The following NPSR1 variants were observed in gnomAD, a reference collection of about 807,000 sequenced individuals.
NPSR1 encodes neuropeptide S receptor.
Under a neutral mutation model 46.9 loss-of-function variants are expected in NPSR1, and 48 were observed. The observed-to-expected ratio is 1.02, with a 90% CI of 0.81 to 1.30. The LOEUF is 1.30. Among genes scored for constraint, NPSR1 ranks in the 50% most tolerant of loss-of-function variants. The probability of loss-of-function intolerance (pLI) is 0.00; values close to 1 mark genes in which losing one functional copy is unlikely to be tolerated. For synonymous variants in NPSR1, 176 were observed against 168.1 expected, an observed-to-expected ratio of 1.05 and a Z score of -0.36; for missense variants, 450 against 449.5, an observed-to-expected ratio of 1.00 and a Z score of -0.01.
chr7:34,839,288 C>T (rs568177673), intron 6 of NPSR1, among the ~76,000 whole-genome samples: 37 of 152,210 alleles, frequency 2.4e-4, no homozygotes, highest in Non-Finnish European at 5.0e-4. Flanking sequence ...AATAAATTTC[C>T]AATCAAAATT....
intron 2 of NPSR1, among the ~76,000 whole-genome samples, chr7:34,730,183 T>C (rs538316737): frequency 7.9e-5 from 12 of 152,230 alleles, no homozygotes; most frequent in Non-Finnish European, 1.5e-4. Flanking sequence ...ATGTTCCTGG[T>C]AAGGGAACAG....
chr7:34,673,274 C>A (rs1456614911), intron 1 of NPSR1, among the ~76,000 whole-genome samples: 2 of 152,056 alleles, frequency 1.3e-5, no homozygotes, highest in East Asian at 1.9e-4. Flanking sequence ...TCTTCGCCTC[C>A]CTTTTATCCC....
intron 3 of NPSR1, among the ~76,000 whole-genome samples, chr7:34,780,531 ACT>A (rs1222282086): frequency 6.6e-6 from 1 of 152,114 alleles, no homozygotes; most frequent in Non-Finnish European, 1.5e-5. Context: ...AATTTGTAAA[ACT>A]CTGGAAATTA....
At chr7:34,738,468 GACA>G (rs943963272) in intron 2 of NPSR1, among the ~76,000 whole-genome samples, 1 of 152,140 alleles carries the variant, frequency 6.6e-6, no homozygotes, top group Non-Finnish European at 1.5e-5. Context: ...TCAATTTACT[GACA>G]TAAATGTGTC....
chr7:34,789,864 G>A (rs1342462961), intron 3 of NPSR1, among the ~76,000 whole-genome samples: 2 of 151,524 alleles, frequency 1.3e-5, no homozygotes, highest in Non-Finnish European at 2.9e-5. Context: ...CAATACTAAG[G>A]AGATTTAATC....
intron 2 of NPSR1, chr7:34,751,817 C>A: frequency 6.3e-7 from 1 of 1,587,028 alleles, no homozygotes; most frequent in Non-Finnish European, 8.7e-7. Context: ...GTGGGACTCT[C>A]TGCCAGTTGG....
rs1790023069 is a variant in NPSR1 at position 34,829,621 on chromosome 7, T to C, written c.680+2019T>C. Among the ~76,000 whole-genome samples the C allele has an allele frequency of 2.0e-5, 3 of 152,278 alleles. No individual in the cohort carries two copies. In the South Asian group the frequency reaches 6.2e-4, roughly 32 times the overall value. On this transcript the variant is annotated intron_variant, in intron 5 of 8. Coordinates refer to ENST00000360581, the MANE Select transcript of NPSR1 (RefSeq NM_207172.2). Reference sequence around the variant, plus strand: ...AATGAACTCCAGTCAAAGTCCCCGCTCAGCAGAGTGGATGCTGCAGCACAT... The same window carrying C: ...AATGAACTCCAGTCAAAGTCCCCGCCCAGCAGAGTGGATGCTGCAGCACAT...
In NPSR1 at chr7:34,758,699, G is replaced by T. The variant is rs73693306; in HGVS notation, c.281-19763G>T. Among the ~76,000 whole-genome samples the T allele has an allele frequency of 7.3e-3, 1,110 of 152,224 alleles. 13 individuals are homozygous for T. The highest frequency in any genetic ancestry group is 0.025 in the African/African-American group (1,046 of 41,534). On this transcript the variant is annotated intron_variant, in intron 2 of 8. Transcript: ENST00000360581. ...TGAAATGTTAATATTTTTCATATTT[G>T]CTTTATCATTTCCTCTATCAGTCTA...
intron 2 of NPSR1, among the ~76,000 whole-genome samples, chr7:34,717,277 C>T (rs1299874709): frequency 6.6e-6 from 1 of 152,180 alleles, no homozygotes; most frequent in Non-Finnish European, 1.5e-5. Context: ...CGATTACAGG[C>T]ATGTGCCACC....
Position 34,827,445 on chromosome 7 carries a change from T to C in NPSR1, c.523T>C (p.Phe175Leu). ...CATTGTGATCGCCTGGAGCCTGTCT[T>C]TTCTGTTCTCCATTCCCACCCTGAT... is the stretch of plus-strand genomic sequence containing the variant. ...VLIVIAWSLS[F>L]LFSIPTLIIF... The change falls in exon 5 of 9, where the codon TTT becomes CTT. Residue 175 changes from phenylalanine (F) to leucine (L), a missense_variant. By Grantham distance (22) the Phe-to-Leu change is conservative. Transcript: ENST00000360581. 6.2e-7 allele frequency: 1 copy of C among 1,614,042 alleles called. No homozygotes were observed. The highest frequency in any genetic ancestry group is 8.5e-7 in the Non-Finnish European group (1 of 1,179,996).
At chr7:34,681,271 T>A (rs1468584801) in intron 1 of NPSR1, among the ~76,000 whole-genome samples, 1 of 152,312 alleles carries the variant, frequency 6.6e-6, no homozygotes, top group Middle Eastern at 3.4e-3. Flanking sequence ...TGGAGGATGG[T>A]TCCAGCTGGC....
Position 34,803,423 on chromosome 7 carries a change from T to C in NPSR1, c.385-8347T>C, listed in dbSNP as rs576565223. Among the ~76,000 whole-genome samples, 24 of 152,254 alleles carry C rather than the reference T, an allele frequency of 1.6e-4. No homozygotes were observed. In the South Asian group the frequency reaches 5.0e-3, roughly 32 times the overall value. ...TGAGTTCATGTCCTTTGTAGGGACA[T>C]GGATGAAATTGGAAATCATCATTCT... On this transcript the variant is annotated intron_variant, in intron 3 of 8. Coordinates refer to ENST00000360581, the MANE Select transcript of NPSR1 (RefSeq NM_207172.2).
At chr7:34,708,665 C>A (rs1278310511) in intron 2 of NPSR1, among the ~76,000 whole-genome samples, 3 of 152,196 alleles carry the variant, frequency 2.0e-5, no homozygotes, top group Non-Finnish European at 2.9e-5. Context: ...GATTCCAAAG[C>A]AGGTCAGAAG....
intron 6 of NPSR1, among the ~76,000 whole-genome samples, chr7:34,837,470 C>T (rs1477396476): frequency 1.3e-5 from 2 of 152,190 alleles, no homozygotes; most frequent in Non-Finnish European, 2.9e-5. Flanking sequence ...TGTGTTCTTC[C>T]CTTTAACTCA....
intron 5 of NPSR1, 29 bp downstream of exon 5, chr7:34,827,631 G>T (rs547587797): frequency 3.9e-6 from 5 of 1,270,030 alleles, no homozygotes; most frequent in African/African-American, 1.9e-5. Context: ...AGGACCACAC[G>T]GGGGGGTGGG....
intron 2 of NPSR1, among the ~76,000 whole-genome samples, chr7:34,773,628 A>G (rs1270018598): frequency 1.3e-5 from 2 of 152,174 alleles, no homozygotes; most frequent in Admixed American, 1.3e-4. Context: ...CTAGTAACCT[A>G]TTGAGGGCTC....
At chr7:34,845,615 C>A in intron 7 of NPSR1, 1 of 455,732 alleles carries the variant, frequency 2.2e-6, no homozygotes, top group South Asian at 1.6e-5. Context: ...TATCCTTTTT[C>A]TAGTCTTTAC....
intron 8 of NPSR1, among the ~76,000 whole-genome samples, chr7:34,861,838 G>A (rs1416901251): frequency 6.6e-6 from 1 of 151,810 alleles, no homozygotes; most frequent in Non-Finnish European, 1.5e-5. Flanking sequence ...AATTGGGAAT[G>A]TGATATCTCC....
At chr7:34,852,751 C>T (rs1211589479), downstream of NPSR1, among the ~76,000 whole-genome samples, 1 of 152,134 alleles carries the variant, frequency 6.6e-6, no homozygotes, top group African/African-American at 2.4e-5. Context: ...TCAGAGAAGC[C>T]AGCAGGACGA....
Sources: gnomAD v4.1 joint callset for allele counts (sites outside exome capture counted in the v4.1 genomes callset) on GRCh38, gnomAD v4.1.1 for gene constraint, MANE v1.5 for transcripts, NCBI Gene and HGNC (gene_info 2026-07-23, HGNC 2026-07-21) for gene names.